Variants in USP9Y observed in about 807,000 individuals in gnomAD.
USP9Y encodes ubiquitin specific peptidase 9 Y-linked.
USP9Y carries 41 observed loss-of-function variants against 53.1 expected under a neutral mutation model. The ratio of observed to expected loss-of-function variants is 0.77; its 90% CI spans 0.60 to 1.00. The LOEUF is 1.00. USP9Y is among the 50% of genes least tolerant of loss of function. The pLI is 0.00. For synonymous variants in USP9Y, 220 were observed against 173.7 expected (o/e 1.27, Z -2.09); for missense variants, 567 against 535.8 (o/e 1.06, Z -0.58).
In USP9Y at chrY:12,786,532, C is replaced by T. The variant is rs202095134; in HGVS notation, c.3293C>T (p.Ala1098Val). The T allele has an allele frequency of 4.0e-4, 154 of 384,307 alleles. No individual in the cohort carries two copies. The highest frequency in any genetic ancestry group is 5.3e-4 in the Non-Finnish European group (147 of 278,176). ...QVLYLTEVVY[A>V]LLMPAGVPLT... ...TTTTTTTTTTTCCAGGTAGTTTATG[C>T]CTTGTTAATGCCTGCTGGTGTGCCT... The change falls in exon 24 of 46, where the codon GCC (alanine) becomes GTC (valine). Residue 1098 changes from alanine (A) to valine (V), a missense_variant. Ala to Val is a moderately conservative substitution (Grantham distance 64). Transcript: ENST00000338981.
intron 4 of USP9Y, among the ~76,000 whole-genome samples, chrY:12,721,728 A>T: frequency 6.0e-5 from 2 of 33,447 alleles, no homozygotes; most frequent in Non-Finnish European, 1.5e-4. Context: ...AAAACAAAAC[A>T]CTTGCCACAG....
At chrY:12,843,996 T>G in intron 39 of USP9Y, among the ~76,000 whole-genome samples, 1 of 33,714 alleles carries the variant, frequency 3.0e-5, no homozygotes, top group African/African-American at 1.1e-4. Flanking sequence ...AATGTTGTTT[T>G]ATGTTGTTTT....
chrY:12,717,477 A>C, intron 3 of USP9Y, among the ~76,000 whole-genome samples: 1 of 32,779 alleles, frequency 3.1e-5, no homozygotes, highest in Non-Finnish European at 7.5e-5. Flanking sequence ...CCATTTCCAC[A>C]ATGGTTTCCT....
At chrY:12,831,117 C>A (rs2053550379) in intron 33 of USP9Y, among the ~76,000 whole-genome samples, 2 of 33,477 alleles carry the variant, frequency 6.0e-5, no homozygotes, top group African/African-American at 1.2e-4. Context: ...TGCTTCCTTA[C>A]AGCCATGTGG....
In USP9Y at chrY:12,840,140, G is replaced by A; in HGVS notation, c.5614G>A (p.Val1872Ile). The A allele has an allele frequency of 2.5e-6, 1 of 398,448 alleles. No homozygotes were observed. Among genetic ancestry groups the A allele is most frequent in the East Asian group, 9.2e-5 (1 of 10,848 alleles). Residue 1872 changes from valine to isoleucine, a missense_variant, in exon 36 of 46, where the codon GTA becomes ATA. Coordinates refer to ENST00000338981, the MANE Select transcript of USP9Y (RefSeq NM_004654.4). ...GTKYRLVGVL[V>I]HSGQASGGHY... is the part of the protein sequence containing the mutation. ...AAAGTACAGACTTGTAGGAGTGCTT[G>A]TACACAGTGGTCAAGCAAGCGGTGG...
chrY:12,709,669 T>TG (rs2053422854), intron 3 of USP9Y, 126 bp downstream of exon 3: 1 of 181,144 alleles, frequency 5.5e-6, no homozygotes, highest in South Asian at 4.0e-5. Context: ...AAAGTGACTG[T>TG]GGGCTAAGTG....
chrY:12,706,192 T>C, intron 1 of USP9Y, among the ~76,000 whole-genome samples: 3 of 32,872 alleles, frequency 9.1e-5, no homozygotes, highest in African/African-American at 3.5e-4. Context: ...TTCATCTCTC[T>C]CCTCCCTAAA....
At chrY:12,815,808 C>T (rs2053535715) in intron 31 of USP9Y, among the ~76,000 whole-genome samples, 1 of 34,313 alleles carries the variant, frequency 2.9e-5, no homozygotes, top group Non-Finnish European at 7.3e-5. Flanking sequence ...AACTCCTGAA[C>T]TCAGGTGATC....
At chrY:12,707,258 C>T in intron 1 of USP9Y, among the ~76,000 whole-genome samples, 1 of 33,399 alleles carries the variant, frequency 3.0e-5, no homozygotes, top group South Asian at 6.8e-4. Flanking sequence ...AGCTGGATTA[C>T]AGCCATGCGC....
At chrY:12,753,136 G>A (rs2053465542) in intron 12 of USP9Y, among the ~76,000 whole-genome samples, 1 of 33,452 alleles carries the variant, frequency 3.0e-5, no homozygotes, top group South Asian at 6.7e-4. Flanking sequence ...CCTACCACAC[G>A]AAGCTAACTT....
intron 35 of USP9Y, 107 bp from the exon 36 acceptor site, chrY:12,839,757 T>C: frequency 4.4e-6 from 1 of 227,473 alleles, no homozygotes; most frequent in Non-Finnish European, 7.0e-6. Flanking sequence ...CTCATCTGCT[T>C]ATAAATAAAT....
intron 15 of USP9Y, among the ~76,000 whole-genome samples, chrY:12,768,684 A>C (rs2053482397): frequency 3.1e-5 from 1 of 32,038 alleles, no homozygotes; most frequent in Non-Finnish European, 7.5e-5. Flanking sequence ...TTTTCTAAAA[A>C]TTTTCCAATA....
Position 12,812,810 on chromosome Y carries a change from G to A in USP9Y, c.4387-20G>A. 3 of 342,526 alleles carry A rather than the reference G, an allele frequency of 8.8e-6. No homozygotes were observed. Among genetic ancestry groups the A allele is most frequent in the Non-Finnish European group, 1.3e-5 (3 of 232,330 alleles). The allele number at this position is 342,526 out of a possible 400,897, so 85.4% of individuals were successfully genotyped here. On this transcript the variant is annotated intron_variant, in intron 30 of 45. Transcript: ENST00000338981. ...ATATTTTCTACTAATAACATGTAAT[G>A]TCTTTTTCTAACTTACTAGGAATTA...
chrY:12,858,440 G>C, intron 45 of USP9Y, among the ~76,000 whole-genome samples: 6 of 31,905 alleles, frequency 1.9e-4, no homozygotes, highest in Non-Finnish European at 3.0e-4. Context: ...AGGCAATTCT[G>C]CCTCAGCCTC....
At position 12,814,640 on chromosome Y, in the gene USP9Y, C is replaced by T. The variant is rs529015881; in HGVS notation, c.4610-1484C>T. Among the ~76,000 whole-genome samples the T allele has an allele frequency of 1.8e-3, 57 of 30,824 alleles. No homozygotes were observed. In the South Asian group the frequency reaches 0.039, roughly 21 times the overall value. 82.7% of individuals were successfully genotyped at this position (30,824 alleles called of 37,273 possible). The stretch of plus-strand genomic sequence containing the variant: ...GAGGATACATGTTAACAGTTATTAA[C>T]TTCCTACAGGTTTTATGTTTCCAGT... On this transcript the variant is annotated intron_variant, in intron 31 of 45. Coordinates refer to ENST00000338981, the MANE Select transcript of USP9Y (RefSeq NM_004654.4).
intron 31 of USP9Y, among the ~76,000 whole-genome samples, chrY:12,815,599 A>G: frequency 6.0e-5 from 2 of 33,581 alleles, no homozygotes; most frequent in African/African-American, 2.3e-4. Flanking sequence ...TTAATGCTAT[A>G]CCATCTTGTT....
chrY:12,745,423 A>G (rs2053460028), intron 12 of USP9Y, among the ~76,000 whole-genome samples: 2 of 33,173 alleles, frequency 6.0e-5, no homozygotes, highest in East Asian at 1.6e-3. Context: ...TTCCAAGAGC[A>G]TGGTGTTCCT....
At position 12,856,331 on chromosome Y, in the gene USP9Y, C is replaced by T. The variant is rs762343596; in HGVS notation, c.7065-9C>T. ...ATATTACAAAGTTTTACATCTGCTTCTGTTTTAGAATTCATAATGCACTTA... is the reference window on the plus strand; with the variant it reads ...ATATTACAAAGTTTTACATCTGCTTTTGTTTTAGAATTCATAATGCACTTA... On this transcript the variant is annotated splice_polypyrimidine_tract_variant and intron_variant, in intron 42 of 45. Transcript: ENST00000338981. The T allele has an allele frequency of 2.5e-6, 1 of 395,629 alleles. No homozygotes were observed. Among genetic ancestry groups the T allele is most frequent in the Non-Finnish European group, 3.6e-6 (1 of 281,301 alleles).
At chrY:12,724,642 A>G in intron 5 of USP9Y, among the ~76,000 whole-genome samples, 1 of 33,693 alleles carries the variant, frequency 3.0e-5, no homozygotes, top group South Asian at 6.6e-4. Flanking sequence ...TTCTTAAATC[A>G]GGTAAAGGTA....
Sources: gnomAD v4.1 joint callset for allele counts (sites outside exome capture counted in the v4.1 genomes callset) on GRCh38, gnomAD v4.1.1 for gene constraint, MANE v1.5 for transcripts, NCBI Gene and HGNC (gene_info 2026-07-23, HGNC 2026-07-21) for gene names.